The following CEP128 variants were observed in gnomAD, a reference collection of about 807,000 sequenced individuals.
CEP128 encodes the protein centrosomal protein 128.
CEP128 carries 132 observed loss-of-function variants against 156.7 expected under a neutral mutation model. That is an observed-to-expected ratio of 0.84 (90% CI 0.73 to 0.97). The LOEUF (loss-of-function observed/expected upper bound fraction) is 0.97, where lower values mean the gene tolerates loss of function less well. Among genes scored for constraint, CEP128 ranks in the 50% least tolerant of loss-of-function variants. The pLI, the probability that CEP128 is intolerant of heterozygous loss-of-function variation, is 0.00. For synonymous variants in CEP128, 469 were observed against 448.9 expected, an observed-to-expected ratio of 1.04 and a Z score of -0.57; for missense variants, 1,252 against 1,281.9, an observed-to-expected ratio of 0.98 and a Z score of 0.36.
chr14:80,631,370 T>C (rs901331569), intron 19 of CEP128, among the ~76,000 whole-genome samples: 2 of 152,018 alleles, frequency 1.3e-5, no homozygotes, highest in Admixed American at 6.6e-5. Flanking sequence ...AGGAAGAGAA[T>C]GCAGTTTTCA....
intron 2 of CEP128, among the ~76,000 whole-genome samples, chr14:80,938,379 T>TG (rs1369370152): frequency 1.3e-5 from 2 of 151,630 alleles, no homozygotes; most frequent in African/African-American, 4.8e-5. Flanking sequence ...CCCAAGTAGC[T>TG]GGGACTACAG....
intron 2 of CEP128, among the ~76,000 whole-genome samples, chr14:80,932,895 A>G (rs966772464): frequency 3.3e-5 from 5 of 151,940 alleles, no homozygotes; most frequent in Non-Finnish European, 5.9e-5. Flanking sequence ...ACCAAATAAT[A>G]ATAATAATAA....
At chr14:80,667,599 C>T (rs1412051690) in intron 19 of CEP128, among the ~76,000 whole-genome samples, 3 of 152,212 alleles carry the variant, frequency 2.0e-5, no homozygotes, top group Non-Finnish European at 4.4e-5. Context: ...TGGCTCACGC[C>T]TGTAATCCCA....
intron 14 of CEP128, among the ~76,000 whole-genome samples, chr14:80,787,515 A>G (rs1002530327): frequency 1.3e-5 from 2 of 152,134 alleles, no homozygotes; most frequent in Non-Finnish European, 2.9e-5. Flanking sequence ...GCCCATCCAG[A>G]TAATGTGATC....
intron 19 of CEP128, among the ~76,000 whole-genome samples, chr14:80,689,360 G>A (rs1896640277): frequency 6.6e-6 from 1 of 150,556 alleles, no homozygotes; most frequent in Admixed American, 6.6e-5. Flanking sequence ...CTAAATAGGA[G>A]GAGATCAAGC....
chr14:80,647,047 A>C (rs1566831526), intron 19 of CEP128, among the ~76,000 whole-genome samples: 7 of 4,960 alleles, frequency 1.4e-3, no homozygotes, highest in African/African-American at 2.2e-3. Context: ...GTATATATAT[A>C]TATATATATA....
intron 19 of CEP128, among the ~76,000 whole-genome samples, chr14:80,693,392 A>G (rs1217954746): frequency 6.6e-6 from 1 of 152,204 alleles, no homozygotes; most frequent in Non-Finnish European, 1.5e-5. Flanking sequence ...GGTATGTTCT[A>G]TTTCAGAAGT....
intron 13 of CEP128, chr14:80,830,083 CA>C: frequency 2.5e-6 from 1 of 405,996 alleles, no homozygotes. Flanking sequence ...CATATTTTAG[CA>C]TTTTCATCAG....
intron 21 of CEP128, among the ~76,000 whole-genome samples, chr14:80,558,294 C>G (rs1156697833): frequency 1.3e-5 from 2 of 151,464 alleles, no homozygotes; most frequent in Non-Finnish European, 2.9e-5. Flanking sequence ...GTTGGTTTTC[C>G]TTTACTTTTT....
At chr14:80,922,717 A>T (rs1296092012) in intron 2 of CEP128, among the ~76,000 whole-genome samples, 1 of 152,210 alleles carries the variant, frequency 6.6e-6, no homozygotes, top group Non-Finnish European at 1.5e-5. Context: ...GTCTTTAAAG[A>T]TTTAAAAGAA....
intron 8 of CEP128, among the ~76,000 whole-genome samples, chr14:80,872,428 C>A (rs141352185): frequency 2.4e-4 from 37 of 152,268 alleles, no homozygotes; most frequent in African/African-American, 7.5e-4. Flanking sequence ...ACAGCAACCA[C>A]AACTTTTTGT....
At chr14:80,877,986 G>C (rs1463684197) in intron 8 of CEP128, among the ~76,000 whole-genome samples, 1 of 151,900 alleles carries the variant, frequency 6.6e-6, no homozygotes, top group Non-Finnish European at 1.5e-5. Context: ...CTACATACCA[G>C]AGAAGTGGCA....
chr14:80,682,330 G>C (rs189057555), intron 19 of CEP128, among the ~76,000 whole-genome samples: 1 of 152,234 alleles, frequency 6.6e-6, no homozygotes, highest in Admixed American at 6.5e-5. Context: ...ACCAGCTGAA[G>C]CAGAAGAAAA....
intron 16 of CEP128, among the ~76,000 whole-genome samples, chr14:80,764,667 A>G (rs1262795108): frequency 1.3e-5 from 2 of 152,206 alleles, no homozygotes; most frequent in African/African-American, 4.8e-5. Flanking sequence ...TTGCTCCTTC[A>G]GGATTCCCTT....
At chr14:80,905,755 GAAA>G (rs60483596) in intron 5 of CEP128, 197 bp downstream of exon 5, 5 of 392,606 alleles carry the variant, frequency 1.3e-5, no homozygotes, top group Admixed American at 5.1e-5. Context: ...CAGAGTTTGA[GAAA>G]AAAAAAAAAA....
intron 2 of CEP128, among the ~76,000 whole-genome samples, chr14:80,928,595 TAAAG>T (rs983485666): frequency 2.0e-5 from 3 of 151,608 alleles, no homozygotes; most frequent in Non-Finnish European, 2.9e-5. Context: ...CAGACAAAAA[TAAAG>T]AAAGAAGAAT....
At chr14:80,813,614 C>T (rs1051610812) in intron 13 of CEP128, among the ~76,000 whole-genome samples, 3 of 152,098 alleles carry the variant, frequency 2.0e-5, no homozygotes, top group African/African-American at 7.2e-5. Flanking sequence ...TTACTATATA[C>T]ATCCTTGATT....
intron 19 of CEP128, among the ~76,000 whole-genome samples, chr14:80,651,089 T>C (rs928091574): frequency 6.6e-6 from 1 of 152,152 alleles, no homozygotes; most frequent in African/African-American, 2.4e-5. Context: ...ACTGCCTCAA[T>C]TTGAGAATTT....
intron 19 of CEP128, among the ~76,000 whole-genome samples, chr14:80,651,690 G>A (rs960337581): frequency 1.3e-5 from 2 of 152,048 alleles, no homozygotes; most frequent in Admixed American, 6.6e-5. Flanking sequence ...TAGTCATTCA[G>A]GAGCAGGTTG....
Sources: allele counts gnomAD v4.1 joint callset (sites outside exome capture counted in the v4.1 genomes callset), GRCh38; gene constraint gnomAD v4.1.1; transcripts MANE v1.5; gene names NCBI Gene and HGNC (gene_info 2026-07-23, HGNC 2026-07-21).